The following MSH4 variants were observed in gnomAD, a reference collection of about 807,000 sequenced individuals.
MSH4 encodes mutS protein homolog 4.
In MSH4, 106 loss-of-function variants were observed where a neutral mutation model predicts 113.7. The ratio of observed to expected loss-of-function variants is 0.93; its 90% confidence interval spans 0.80 to 1.10. The LOEUF is 1.10. Ranked by LOEUF, MSH4 falls within the 50% of genes least tolerant of loss-of-function variation. MSH4 has a pLI of 0.00. For missense variants in MSH4, 1,061 were observed against 1,093.7 expected (o/e 0.97, Z 0.42); for synonymous variants, 368 against 380.2 (o/e 0.97, Z 0.37).
intron 1 of MSH4, among the ~76,000 whole-genome samples, chr1:75,798,601 G>A (rs1354866241): frequency 6.9e-6 from 1 of 145,236 alleles, no homozygotes; most frequent in Non-Finnish European, 1.5e-5. Flanking sequence ...CTGTTGCCCA[G>A]GCTGGAGTGC....
At chr1:75,908,177 G>T (rs1192943376) in intron 19 of MSH4, among the ~76,000 whole-genome samples, 1 of 141,658 alleles carries the variant, frequency 7.1e-6, no homozygotes, top group Non-Finnish European at 1.5e-5. Flanking sequence ...ACAGAGTCTG[G>T]CTCTGTCACC....
At chr1:75,812,240 C>G (rs1650205893) in intron 4 of MSH4, among the ~76,000 whole-genome samples, 1 of 152,082 alleles carries the variant, frequency 6.6e-6, no homozygotes, top group Admixed American at 6.5e-5. Flanking sequence ...CAAACACTAG[C>G]TAAATATTTT....
chr1:75,828,383 G>A (rs976121357), intron 7 of MSH4, among the ~76,000 whole-genome samples: 1 of 152,104 alleles, frequency 6.6e-6, no homozygotes, highest in Non-Finnish European at 1.5e-5. Flanking sequence ...CATTATTCAC[G>A]GCAGCAAAGA....
intron 7 of MSH4, among the ~76,000 whole-genome samples, chr1:75,847,793 A>C (rs1349132935): frequency 6.6e-6 from 1 of 152,214 alleles, no homozygotes; most frequent in Non-Finnish European, 1.5e-5. Flanking sequence ...ATCCAGTTTT[A>C]TTAAGGGGTT....
At chr1:75,912,653 T>G (rs766788012) in intron 19 of MSH4, 43 bp from the exon 20 acceptor site, 3 of 1,169,102 alleles carry the variant, frequency 2.6e-6, no homozygotes, top group Admixed American at 4.3e-5. Flanking sequence ...AAAATTATGG[T>G]ATTTGTGTAT....
At chr1:75,873,739 A>G (rs981450448) in intron 9 of MSH4, among the ~76,000 whole-genome samples, 5 of 148,854 alleles carry the variant, frequency 3.4e-5, no homozygotes, top group Non-Finnish European at 4.5e-5. Context: ...AAAAGACATG[A>G]TCTTGTTTTT....
At chr1:75,819,416 G>T (rs1650360134) in intron 6 of MSH4, among the ~76,000 whole-genome samples, 1 of 152,172 alleles carries the variant, frequency 6.6e-6, no homozygotes, top group Non-Finnish European at 1.5e-5. Context: ...CTTGAACCCT[G>T]GAGGCAGAGG....
intron 7 of MSH4, among the ~76,000 whole-genome samples, chr1:75,845,973 C>A (rs1281637797): frequency 2.0e-5 from 3 of 152,030 alleles, no homozygotes; most frequent in Admixed American, 2.0e-4. Flanking sequence ...AGAATTAGCA[C>A]CATGTGGACA....
Position 75,807,082 on chromosome 1 carries a change from G to T in MSH4, c.529G>T (p.Asp177Tyr). 1 of 1,586,948 alleles carries T rather than the reference G, an allele frequency of 6.3e-7. No homozygotes were observed. Among genetic ancestry groups the T allele is most frequent in the Non-Finnish European group, 8.5e-7 (1 of 1,172,274 alleles). The change falls in exon 3 of 20, where the codon GAT (aspartate) becomes TAT (tyrosine). Residue 177 changes from aspartate to tyrosine, a missense_variant. By Grantham distance (160) the Asp-to-Tyr change is radical. Transcript: ENST00000263187. ...AGGTGAAATAGGAATGGCAAGTATTGATTTAAAAAACCCCCAAATTATACT... is the reference window on the plus strand; with the variant it reads ...AGGTGAAATAGGAATGGCAAGTATTTATTTAAAAAACCCCCAAATTATACT... The part of the protein sequence containing the change: ...ARGEIGMASI[D>Y]LKNPQIILSQ...
At position 75,824,879 on chromosome 1, in the gene MSH4, C is replaced by T. The variant is rs1650510395; in HGVS notation, c.1162+2298C>T. Among the ~76,000 whole-genome samples, 3 of 145,640 alleles carry T rather than the reference C, an allele frequency of 2.1e-5. No homozygotes were observed. The South Asian group carries it at 6.5e-4, about 31-fold the overall frequency. Reference sequence around the variant, plus strand: ...CTGTAGCCTTGTAGTAGTTTGAAGTCAGGTAGCATAATACCTTCAGCTTTG... The same window carrying T: ...CTGTAGCCTTGTAGTAGTTTGAAGTTAGGTAGCATAATACCTTCAGCTTTG... On this transcript the variant is annotated intron_variant, in intron 7 of 19. Transcript: ENST00000263187.
intron 7 of MSH4, among the ~76,000 whole-genome samples, chr1:75,836,100 A>G (rs1316990021): frequency 6.6e-6 from 1 of 152,136 alleles, no homozygotes; most frequent in Non-Finnish European, 1.5e-5. Context: ...ATGAAAGCCT[A>G]GCTCTTTCAC....
At chr1:75,797,821 CTG>C (rs781607225) in intron 1 of MSH4, among the ~76,000 whole-genome samples, 1 of 152,116 alleles carries the variant, frequency 6.6e-6, no homozygotes, top group African/African-American at 2.4e-5. Flanking sequence ...TGGCACGTGA[CTG>C]TGGTCCCAGC....
chr1:75,811,034 G>T (rs1370491750), intron 4 of MSH4, among the ~76,000 whole-genome samples: 1 of 152,002 alleles, frequency 6.6e-6, no homozygotes, highest in African/African-American at 2.4e-5. Flanking sequence ...ACCACACCCA[G>T]CTAATTTTTG....
chr1:75,894,925 G>C (rs1357084912), intron 17 of MSH4, among the ~76,000 whole-genome samples: 1 of 152,092 alleles, frequency 6.6e-6, no homozygotes, highest in African/African-American at 2.4e-5. Flanking sequence ...ATATGATGCT[G>C]TTTCTCCCAT....
At chr1:75,860,693 C>T (rs1280984426) in intron 8 of MSH4, among the ~76,000 whole-genome samples, 3 of 152,140 alleles carry the variant, frequency 2.0e-5, no homozygotes, top group Non-Finnish European at 2.9e-5. Context: ...CTGCCCTTAA[C>T]ATTTTTTCCT....
intron 7 of MSH4, among the ~76,000 whole-genome samples, chr1:75,832,353 G>A (rs933971532): frequency 1.3e-5 from 2 of 152,110 alleles, no homozygotes; most frequent in African/African-American, 4.8e-5. Flanking sequence ...TTCTACCAGA[G>A]TTACAAGGAG....
At chr1:75,854,874 T>A (rs1444342430) in intron 8 of MSH4, among the ~76,000 whole-genome samples, 2 of 152,202 alleles carry the variant, frequency 1.3e-5, no homozygotes, top group African/African-American at 4.8e-5. Flanking sequence ...TATGATATTT[T>A]GCCAGATGTC....
At chr1:75,802,538 A>T (rs5745314) in intron 1 of MSH4, among the ~76,000 whole-genome samples, 37,728 of 152,170 alleles carry the variant, frequency 0.25, 6,166 homozygotes, top group East Asian at 0.67. Flanking sequence ...GTTTATGTAC[A>T]TTATTTAAAA....
chr1:75,907,077 A>G (rs1006601917), intron 19 of MSH4, among the ~76,000 whole-genome samples: 6 of 152,036 alleles, frequency 3.9e-5, no homozygotes, highest in African/African-American at 1.4e-4. Context: ...AGTATTCTGA[A>G]TTTATGTACT....
Sources: allele counts gnomAD v4.1 joint callset (sites outside exome capture counted in the v4.1 genomes callset), GRCh38; gene constraint gnomAD v4.1.1; transcripts MANE v1.5; gene names NCBI Gene and HGNC (gene_info 2026-07-23, HGNC 2026-07-21).